CAGE1: variants seen among roughly 807,000 people sequenced by gnomAD.
The protein encoded by CAGE1 is cancer-associated gene 1 protein.
CAGE1 carries 66 observed loss-of-function variants against 94.9 expected under a neutral mutation model. The observed-to-expected ratio is 0.70, with a 90% CI of 0.57 to 0.85. CAGE1 has a LOEUF of 0.85. Ranked by LOEUF, CAGE1 falls within the 40% of genes least tolerant of loss-of-function variation. CAGE1 has a pLI of 0.00. For missense variants in CAGE1, 865 were observed against 950.4 expected, an observed-to-expected ratio of 0.91 and a Z score of 1.18; for synonymous variants, 319 against 321.0, an observed-to-expected ratio of 0.99 and a Z score of 0.07.
Position 7,373,945 on chromosome 6 carries a change from T to C in CAGE1, c.874A>G (p.Ser292Gly). 6.2e-7 allele frequency: 1 copy of C among 1,614,032 alleles called. No individual in the cohort carries two copies. The highest frequency in any genetic ancestry group is 2.2e-5 in the East Asian group (1 of 44,886). Reference protein sequence around the residue: ...ENCEMPDWEQSAESLQPVQED... With the variant: ...ENCEMPDWEQGAESLQPVQED... The stretch of plus-strand genomic sequence containing the variant: ...TGAACAGGTTGTAAGCTTTCAGCAC[T>C]TTGCTCCCAGTCAGGCATCTCACAG... The change falls in exon 5 of 14, where the codon AGT becomes GGT. Residue 292 changes from serine to glycine, a missense_variant. Transcript: ENST00000502583.
chr6:7,372,332 A>C (rs1283419575), intron 5 of CAGE1, among the ~76,000 whole-genome samples: 1 of 152,014 alleles, frequency 6.6e-6, no homozygotes, highest in Non-Finnish European at 1.5e-5. Flanking sequence ...TTAGCTGGGC[A>C]TGGTGGCGCA....
intron 12 of CAGE1, 40 bp from the exon 13 acceptor site, chr6:7,329,928 G>C: frequency 1.1e-6 from 1 of 917,690 alleles, no homozygotes; most frequent in Non-Finnish European, 1.7e-6. Flanking sequence ...AAAGGAGGAA[G>C]GGGGGACTGA....
chr6:7,371,439 C>T (rs1483085608), intron 5 of CAGE1, among the ~76,000 whole-genome samples: 1 of 151,946 alleles, frequency 6.6e-6, no homozygotes, highest in Non-Finnish European at 1.5e-5. Flanking sequence ...AAAAGAGGGT[C>T]CACTAAGGAC....
chr6:7,372,339 C>T (rs1353939828), intron 5 of CAGE1, among the ~76,000 whole-genome samples: 4 of 151,878 alleles, frequency 2.6e-5, no homozygotes, highest in Non-Finnish European at 4.4e-5. Flanking sequence ...GGCATGGTGG[C>T]GCACGCCTGT....
In CAGE1 at chr6:7,377,092, TTG is replaced by T. The variant is rs375446916; in HGVS notation, c.687+1523_687+1524del. Reference sequence around the variant, plus strand: ...ATTATAGTTGCAAGTTCACATTTATTTGTGTGATTGATTAATGACTACCTCCT... The same window carrying T: ...ATTATAGTTGCAAGTTCACATTTATTTGTGATTGATTAATGACTACCTCCT... On this transcript the variant is annotated intron_variant, in intron 4 of 13. Transcript: ENST00000502583. Among the ~76,000 whole-genome samples, 55 of 152,328 alleles carry T rather than the reference TTG, an allele frequency of 3.6e-4. No individual in the cohort carries two copies. The East Asian group carries it at 0.01, about 28-fold the overall frequency.
rs1162084239 is a variant in CAGE1, at chr6:7,387,193, A to G, written c.-20T>C. Reference sequence around the variant, plus strand: ...GTTCATAACTGTTGAACAATAGAAGACTTCTTTAAAAAAAAAATGTGTCTA... The same window carrying G: ...GTTCATAACTGTTGAACAATAGAAGGCTTCTTTAAAAAAAAAATGTGTCTA... On this transcript the variant is annotated 5_prime_UTR_variant, in exon 2 of 14. Coordinates refer to ENST00000502583, the MANE Select transcript of CAGE1 (RefSeq NM_001170692.2). The G allele has an allele frequency of 6.6e-7, 1 of 1,517,372 alleles. No individual in the cohort carries two copies. The highest frequency in any genetic ancestry group is 8.9e-7 in the Non-Finnish European group (1 of 1,129,740). The allele number at this position is 1,517,372 out of a possible 1,614,324, so 94.0% of individuals were successfully genotyped here. A position where few individuals can be genotyped will look rare whatever the true frequency, so the allele number is the denominator to read the frequency against.
intron 11 of CAGE1, among the ~76,000 whole-genome samples, chr6:7,343,345 C>T (rs1285282408): frequency 1.3e-5 from 2 of 152,146 alleles, no homozygotes; most frequent in South Asian, 2.1e-4. Context: ...AACAAATGTT[C>T]ACCTTATTCT....
At chr6:7,365,389 G>A (rs1177452056) in intron 9 of CAGE1, 79 bp downstream of exon 9, 3 of 1,171,542 alleles carry the variant, frequency 2.6e-6, no homozygotes, top group Non-Finnish European at 3.7e-6. Flanking sequence ...TTTTTTGAAG[G>A]ATGATAACTT....
chr6:7,343,367 G>A (rs1054839774), intron 11 of CAGE1, among the ~76,000 whole-genome samples: 2 of 152,108 alleles, frequency 1.3e-5, no homozygotes, highest in African/African-American at 2.4e-5. Flanking sequence ...TATGATCAAG[G>A]TATAAAATCA....
chr6:7,360,256 G>A (rs1760122600), intron 9 of CAGE1, among the ~76,000 whole-genome samples: 1 of 152,132 alleles, frequency 6.6e-6, no homozygotes, highest in African/African-American at 2.4e-5. Context: ...ATGTTCTGGG[G>A]ACTAGGGTGT....
chr6:7,328,402 G>A (rs1475243741), intron 13 of CAGE1, among the ~76,000 whole-genome samples: 1 of 152,226 alleles, frequency 6.6e-6, no homozygotes, highest in African/African-American at 2.4e-5. Flanking sequence ...CCATTTGGGA[G>A]ACAGAGCAGG....
At chr6:7,345,124 GAT>G (rs1362212345) in intron 11 of CAGE1, among the ~76,000 whole-genome samples, 27 of 148,826 alleles carry the variant, frequency 1.8e-4, no homozygotes, top group African/African-American at 6.5e-4. Flanking sequence ...TTGCTCTTTA[GAT>G]CCATATTGCT....
rs561948119 is a variant in CAGE1 at position 7,371,770 on chromosome 6, G to C, written c.1746+1303C>G. ...CCACTGCACTCCAGCCTGGGCGACA[G>C]AGCGAGACTCTGTCTTAATAGATAA... is the stretch of plus-strand genomic sequence containing the variant. On this transcript the variant is annotated intron_variant, in intron 5 of 13. Transcript: ENST00000502583. Among the ~76,000 whole-genome samples, 11 of 152,310 alleles carry C rather than the reference G, an allele frequency of 7.2e-5. No individual in the cohort carries two copies. The East Asian group carries it at 1.5e-3, about 21-fold the overall frequency.
intron 6 of CAGE1, among the ~76,000 whole-genome samples, chr6:7,369,070 G>C (rs1272567477): frequency 6.7e-6 from 1 of 149,744 alleles, no homozygotes; most frequent in Non-Finnish European, 1.5e-5. Context: ...GTGCAGTGGC[G>C]CGATCTCTGC....
chr6:7,387,776 T>C (rs1009008354), intron 1 of CAGE1, among the ~76,000 whole-genome samples: 4 of 151,340 alleles, frequency 2.6e-5, no homozygotes, highest in Non-Finnish European at 5.9e-5. Context: ...TCCCAGCACT[T>C]TGGGAGGCCG....
At chr6:7,343,506 T>C (rs1032634975) in intron 11 of CAGE1, among the ~76,000 whole-genome samples, 3 of 152,238 alleles carry the variant, frequency 2.0e-5, no homozygotes, top group African/African-American at 7.2e-5. Flanking sequence ...GATATGGTTT[T>C]GCATGGAAAA....
Position 7,328,934 on chromosome 6 carries a change from A to ATTT in CAGE1, c.2478+912_2478+914dup, listed in dbSNP as rs869241612. ...TGTGTGTGTGTATATATATATATAT[A>ATTT]TTTTTTTTTTTTTTTGAGATAGAGT... is the stretch of plus-strand genomic sequence containing the variant. On this transcript the variant is annotated intron_variant, in intron 13 of 13. Coordinates refer to ENST00000502583, the MANE Select transcript of CAGE1 (RefSeq NM_001170692.2). Among the ~76,000 whole-genome samples the ATTT allele has an allele frequency of 8.2e-3, 877 of 106,708 alleles. 11 individuals carry two copies. Among genetic ancestry groups the ATTT allele is most frequent in the South Asian group, 0.014 (44 of 3,178 alleles). 70.0% of individuals were successfully genotyped at this position (106,708 alleles called of 152,430 possible). A position where few individuals can be genotyped will look rare whatever the true frequency, so the allele number is the denominator to read the frequency against.
rs1760483128 is a variant in CAGE1 at position 7,369,903 on chromosome 6, A to G, written c.1893+16T>C. 6.2e-7 allele frequency: 1 copy of G among 1,600,550 alleles called. No homozygotes were observed. ...TTCCTCCCCTACTAAAATATCTAATATATATGTTTTATTACCTGGCATGTG... is the reference window on the plus strand; with the variant it reads ...TTCCTCCCCTACTAAAATATCTAATGTATATGTTTTATTACCTGGCATGTG... On this transcript the variant is annotated intron_variant, in intron 6 of 13. Coordinates refer to ENST00000502583, the MANE Select transcript of CAGE1 (RefSeq NM_001170692.2).
chr6:7,354,084 C>A (rs975734238), intron 11 of CAGE1, among the ~76,000 whole-genome samples: 1 of 148,652 alleles, frequency 6.7e-6, no homozygotes, highest in Middle Eastern at 3.2e-3. Context: ...CAATAACCTA[C>A]GGAAAAAAAA....
Sources: gnomAD v4.1 joint callset for allele counts (sites outside exome capture counted in the v4.1 genomes callset) on GRCh38, gnomAD v4.1.1 for gene constraint, MANE v1.5 for transcripts, NCBI Gene and HGNC (gene_info 2026-07-23, HGNC 2026-07-21) for gene names.